Variants in SAMMSON observed in about 807,000 individuals in gnomAD.
SAMMSON encodes the protein survival associated mitochondrial melanoma specific oncogenic non-coding RNA.
rs540501049 is a variant in SAMMSON at position 70,130,326 on chromosome 3, G to A, written n.507+58761G>A. 1.6e-4 allele frequency among the ~76,000 whole-genome samples: 24 copies of A among 152,328 alleles called. 1 individual carries two copies. The highest frequency in any genetic ancestry group is 2.8e-4 in the Non-Finnish European group (19 of 68,026). On this transcript the variant is annotated intron_variant and non_coding_transcript_variant, in intron 4 of 9. Transcript: ENST00000642114. ...AGATCATGGACTTTGAGTTGATGCT[G>A]CAATAAGACTTGAGGGTTTCAAGAG...
At chr3:70,058,931 A>G (rs1367085454) in intron 3 of SAMMSON, among the ~76,000 whole-genome samples, 1 of 152,090 alleles carries the variant, frequency 6.6e-6, no homozygotes, top group Non-Finnish European at 1.5e-5. Flanking sequence ...CCCTAAGCCT[A>G]TAGGAACTAT....
chr3:70,189,269 T>A (rs940496094), intron 4 of SAMMSON, among the ~76,000 whole-genome samples: 4 of 152,126 alleles, frequency 2.6e-5, no homozygotes, highest in Non-Finnish European at 2.9e-5. Context: ...AGTTCTAGAG[T>A]TTCATAGGGC....
intron 4 of SAMMSON, among the ~76,000 whole-genome samples, chr3:70,244,814 C>A (rs2106644692): frequency 6.6e-6 from 1 of 152,282 alleles, no homozygotes; most frequent in East Asian, 1.9e-4. Flanking sequence ...ATGTATATAT[C>A]CATGCCTCTC....
At chr3:70,171,674 A>T (rs1459544602) in intron 4 of SAMMSON, among the ~76,000 whole-genome samples, 1 of 151,912 alleles carries the variant, frequency 6.6e-6, no homozygotes, top group Non-Finnish European at 1.5e-5. Flanking sequence ...CATTAATGAA[A>T]ACCTAAAAGA....
intron 7 of SAMMSON, among the ~76,000 whole-genome samples, chr3:70,316,149 A>T (rs112685299): frequency 1.2e-4 from 18 of 152,282 alleles, no homozygotes; most frequent in African/African-American, 3.8e-4. Flanking sequence ...AGCAGAAGAT[A>T]ATCTTTGCTA....
intron 3 of SAMMSON, among the ~76,000 whole-genome samples, chr3:70,070,608 T>C (rs914347696): frequency 2.0e-5 from 3 of 151,976 alleles, no homozygotes; most frequent in African/African-American, 7.2e-5. Flanking sequence ...AAAAATCCCC[T>C]TGGGGGACAT....
intron 7 of SAMMSON, among the ~76,000 whole-genome samples, chr3:70,341,615 A>C (rs1702710877): frequency 6.6e-6 from 1 of 152,118 alleles, no homozygotes; most frequent in African/African-American, 2.4e-5. Flanking sequence ...AGAAGACAAA[A>C]CCTCAAGAGG....
At chr3:70,319,494 C>T (rs1333006898) in intron 7 of SAMMSON, among the ~76,000 whole-genome samples, 1 of 152,014 alleles carries the variant, frequency 6.6e-6, no homozygotes, top group African/African-American at 2.4e-5. Context: ...TCTTTTACTC[C>T]TATCTTTCCA....
At chr3:70,164,718 T>C (rs1011569329) in intron 4 of SAMMSON, among the ~76,000 whole-genome samples, 1 of 152,038 alleles carries the variant, frequency 6.6e-6, no homozygotes, top group Non-Finnish European at 1.5e-5. Context: ...ATCTATAAAA[T>C]CCAGAGGATA....
intron 4 of SAMMSON, among the ~76,000 whole-genome samples, chr3:70,190,037 G>A (rs937871241): frequency 6.6e-6 from 1 of 152,050 alleles, no homozygotes; most frequent in Admixed American, 6.5e-5. Context: ...GCAGAAGGCT[G>A]GCTTAATGTA....
chr3:70,126,508 T>G, intron 4 of SAMMSON: 1 of 622,906 alleles, frequency 1.6e-6, no homozygotes, highest in Admixed American at 2.5e-5. Context: ...TCAGCTCAGC[T>G]GGCAGGTGCC....
chr3:70,247,805 C>A (rs1375847830), intron 4 of SAMMSON, among the ~76,000 whole-genome samples: 1 of 151,552 alleles, frequency 6.6e-6, no homozygotes, highest in Admixed American at 6.6e-5. Context: ...GTTTCAAACA[C>A]ACAAAATAGG....
At chr3:70,236,538 A>G (rs1701610753) in intron 4 of SAMMSON, among the ~76,000 whole-genome samples, 1 of 152,194 alleles carries the variant, frequency 6.6e-6, no homozygotes, top group Admixed American at 6.5e-5. Context: ...TAATGATAAT[A>G]TTAATTTTTT....
At chr3:70,365,300 G>A (rs1219395828) in intron 9 of SAMMSON, among the ~76,000 whole-genome samples, 1 of 150,878 alleles carries the variant, frequency 6.6e-6, no homozygotes, top group East Asian at 1.9e-4. Context: ...CATTGCCATT[G>A]GAGTGTGTAT....
chr3:70,343,038 C>G (rs1328396743), intron 7 of SAMMSON, among the ~76,000 whole-genome samples: 1 of 152,108 alleles, frequency 6.6e-6, no homozygotes, highest in Non-Finnish European at 1.5e-5. Context: ...TTAAAGAAGA[C>G]AGTTTTGTAC....
At chr3:70,052,680 G>A (rs767457663) in intron 3 of SAMMSON, among the ~76,000 whole-genome samples, 5 of 152,064 alleles carry the variant, frequency 3.3e-5, no homozygotes, top group Non-Finnish European at 2.9e-5. Flanking sequence ...TGGCATGATT[G>A]ACATGTTGGG....
chr3:70,397,386 C>A (rs1276657843), intron 2 of SAMMSON, among the ~76,000 whole-genome samples: 1 of 152,136 alleles, frequency 6.6e-6, no homozygotes, highest in African/African-American at 2.4e-5. Context: ...CTCACTTCAA[C>A]CTCTGGCTCC....
At chr3:70,078,314 C>G (rs1181137802) in intron 4 of SAMMSON, among the ~76,000 whole-genome samples, 2 of 152,148 alleles carry the variant, frequency 1.3e-5, no homozygotes, top group African/African-American at 4.8e-5. Context: ...TTCTCAGACT[C>G]TCTTGCAGCT....
intron 4 of SAMMSON, among the ~76,000 whole-genome samples, chr3:70,169,484 C>G (rs1457862376): frequency 6.6e-6 from 1 of 151,876 alleles, no homozygotes; most frequent in Non-Finnish European, 1.5e-5. Context: ...GCAATTCACA[C>G]TAGAGACATG....
Sources: allele counts gnomAD v4.1 joint callset (sites outside exome capture counted in the v4.1 genomes callset), GRCh38; gene constraint gnomAD v4.1.1; transcripts MANE v1.5; gene names NCBI Gene and HGNC (gene_info 2026-07-23, HGNC 2026-07-21).